Variants in ADGRG2 observed in about 807,000 individuals in gnomAD.
The protein encoded by ADGRG2 is adhesion G protein-coupled receptor G2.
In ADGRG2, 26 loss-of-function variants were observed where a neutral mutation model predicts 74.1. That is an observed-to-expected ratio of 0.35 (90% CI 0.26 to 0.49). ADGRG2 has a LOEUF of 0.49. ADGRG2 is among the 20% of genes least tolerant of loss of function. ADGRG2 has a pLI of 0.99. For synonymous variants in ADGRG2, 296 were observed against 295.2 expected (o/e 1.00, Z -0.03); for missense variants, 619 against 763.1 (o/e 0.81, Z 2.22).
chrX:19,119,675 C>T (rs1193797123), intron 1 of ADGRG2, among the ~76,000 whole-genome samples: 1 of 111,549 alleles, frequency 9.0e-6, no homozygotes, highest in Non-Finnish European at 1.9e-5. Context: ...TCATCTGAGC[C>T]GTCAAAGCAC....
intron 1 of ADGRG2, among the ~76,000 whole-genome samples, chrX:19,089,532 C>G: frequency 8.9e-6 from 1 of 111,817 alleles, no homozygotes; most frequent in Admixed American, 9.5e-5. Context: ...AAAATCCATG[C>G]AATGTGATTT....
intron 3 of ADGRG2, among the ~76,000 whole-genome samples, chrX:19,060,818 G>GT (rs2061478940): frequency 9.0e-6 from 1 of 111,425 alleles, no homozygotes; most frequent in Non-Finnish European, 1.9e-5. Context: ...AAAGTGCTGG[G>GT]TTTACAGGTG....
At chrX:19,018,483 G>C (rs1385489806) in intron 15 of ADGRG2, among the ~76,000 whole-genome samples, 1 of 110,194 alleles carries the variant, frequency 9.1e-6, no homozygotes, top group African/African-American at 3.3e-5. Context: ...CTCTGAGCCT[G>C]GTGACTGGGA....
chrX:19,109,998 A>G (rs999859243), intron 1 of ADGRG2, among the ~76,000 whole-genome samples: 3 of 112,138 alleles, frequency 2.7e-5, no homozygotes, highest in African/African-American at 9.7e-5. Context: ...AGCCCCAGAC[A>G]CAAGAATGTA....
At chrX:19,027,151 A>G in intron 11 of ADGRG2, 68 bp downstream of exon 11, 1 of 761,528 alleles carries the variant, frequency 1.3e-6, no homozygotes, top group Non-Finnish European at 2.1e-6. Context: ...TCAATTGCAA[A>G]CATGGCTCAA....
At chrX:19,075,856 T>C (rs1000948683) in intron 2 of ADGRG2, among the ~76,000 whole-genome samples, 1 of 111,438 alleles carries the variant, frequency 9.0e-6, no homozygotes, top group African/African-American at 3.3e-5. Flanking sequence ...TGTTGTTCCC[T>C]ACCTGCAAAT....
rs539533534 is a variant in ADGRG2 at position 19,094,321 on chromosome X, C to T, written c.-46-11575G>A. ...GCCCAGACTTCACCAATACACAATA[C>T]CTTCATGTAACAAAGCTGCAATTGT... On this transcript the variant is annotated intron_variant, in intron 1 of 28. Coordinates refer to ENST00000379869, the MANE Select transcript of ADGRG2 (RefSeq NM_001079858.3). Among the ~76,000 whole-genome samples the T allele has an allele frequency of 8.1e-5, 9 of 110,798 alleles. No individual in the cohort carries two copies. The Admixed American group carries it at 8.7e-4, about 11-fold the overall frequency.
rs374804160 is a variant in ADGRG2 at position 19,013,814 on chromosome X, G to A, written c.971C>T (p.Thr324Met). Residue 324 changes from threonine (T) to methionine (M), a missense_variant, in exon 16 of 29, where the codon ACG (threonine) becomes ATG (methionine). Physicochemically the swap from Thr to Met is moderately conservative, Grantham distance 81 (BLOSUM62 -1). Coordinates refer to ENST00000379869, the MANE Select transcript of ADGRG2 (RefSeq NM_001079858.3). Reference protein sequence around the residue: ...PAIDMPPQSETISSPMPQTHV... With the variant: ...PAIDMPPQSEMISSPMPQTHV... ...GGTTTGGGGCATAGGGGAAGAGATC[G>A]TTTCAGACTGTGGGGGCATGTCAAT... 177 of 1,200,059 alleles carry A rather than the reference G, an allele frequency of 1.5e-4. No homozygotes were observed. Among genetic ancestry groups the A allele is most frequent in the Non-Finnish European group, 1.8e-4 (160 of 890,366 alleles).
chrX:19,111,298 A>G (rs2062408095), intron 1 of ADGRG2, among the ~76,000 whole-genome samples: 1 of 111,195 alleles, frequency 9.0e-6, no homozygotes. Context: ...AAAGGTCACA[A>G]CTGGAGATAC....
intron 1 of ADGRG2, among the ~76,000 whole-genome samples, chrX:19,100,691 C>T (rs1386151861): frequency 8.8e-6 from 1 of 113,319 alleles, no homozygotes; most frequent in Admixed American, 9.3e-5. Flanking sequence ...ACTGTTGAGT[C>T]CCCAGTGCCT....
chrX:19,013,997 A>C lies in ADGRG2; in HGVS notation c.788T>G (p.Val263Gly). The stretch of plus-strand genomic sequence containing the variant: ...GGAAAGCACAGTGGCCCGAGGCACC[A>C]CTGGGATGGATTGGCTGGAAGAAAA... The part of the protein sequence containing the change: ...PPFSSSQSIP[V>G]VPRATVLSQV... The change falls in exon 16 of 29, where the codon GTG becomes GGG. Residue 263 changes from valine (V) to glycine (G), a missense_variant. Val to Gly is a moderately radical substitution (Grantham distance 109). Transcript: ENST00000379869. 1 of 1,209,437 alleles carries C rather than the reference A, an allele frequency of 8.3e-7. No individual in the cohort carries two copies. Among genetic ancestry groups the C allele is most frequent in the African/African-American group, 1.7e-5 (1 of 57,680 alleles).
At chrX:19,008,440 A>G (rs894362387) in intron 18 of ADGRG2, among the ~76,000 whole-genome samples, 10 of 111,081 alleles carry the variant, frequency 9.0e-5, no homozygotes, top group Admixed American at 7.7e-4. Context: ...CCGAGTCGGG[A>G]GGATCACCTG....
intron 28 of ADGRG2, among the ~76,000 whole-genome samples, chrX:18,993,453 C>T (rs1464724170): frequency 9.3e-6 from 1 of 107,582 alleles, no homozygotes; most frequent in East Asian, 2.9e-4. Context: ...GAGGCTGAGG[C>T]GGGAGGATCA....
chrX:19,027,258 T>C lies in ADGRG2; in HGVS notation c.431A>G (p.Asn144Ser). 1.8e-6 allele frequency: 2 copies of C among 1,133,636 alleles called. No individual in the cohort carries two copies. Among genetic ancestry groups the C allele is most frequent in the Non-Finnish European group, 2.4e-6 (2 of 824,228 alleles). The allele number at this position is 1,133,636 out of a possible 1,213,427, so 93.4% of individuals were successfully genotyped here. The change falls in exon 11 of 29, where the codon AAT (asparagine) becomes AGT (serine). Residue 144 changes from asparagine (N) to serine (S), a missense_variant. Transcript: ENST00000379869. The part of the protein sequence containing the change: ...STVPQNQHIT[N>S]GTLTGVLSLS... ...AGACAGGACTCCAGTTAAGGTGCCA[T>C]TCGTTATATGTTGATTCTGTTAGAA... is the stretch of plus-strand genomic sequence containing the variant.
At chrX:19,029,826 G>A (rs1221142793) in intron 9 of ADGRG2, among the ~76,000 whole-genome samples, 2 of 110,916 alleles carry the variant, frequency 1.8e-5, no homozygotes, top group Non-Finnish European at 3.8e-5. Flanking sequence ...GGGGAATTCG[G>A]TGAACGGAAG....
At position 18,999,267 on chromosome X, in the gene ADGRG2, G is replaced by A. The variant is rs771051892; in HGVS notation, c.2343C>T (p.Asn781=). Residue 781 remains asparagine (N), a synonymous_variant, in exon 26 of 29, where the codon AAC becomes AAT. Transcript: ENST00000379869. ...CCGTAATGTAGAATACTGCATTGTT[G>A]TTGATCCAGCAGCTGGAGTTTGTGG... ...NGSPDDFCWI[N]NNAVFYITVV... The A allele has an allele frequency of 1.7e-6, 2 of 1,190,958 alleles. No homozygotes were observed. Among genetic ancestry groups the A allele is most frequent in the South Asian group, 3.7e-5 (2 of 53,717 alleles).
At chrX:19,061,676 A>G (rs2061491471) in intron 3 of ADGRG2, among the ~76,000 whole-genome samples, 1 of 112,192 alleles carries the variant, frequency 8.9e-6, no homozygotes, top group South Asian at 3.7e-4. Flanking sequence ...GAGATCCTTA[A>G]GTCTGATGAT....
rs2060271648 is a variant in ADGRG2 at position 19,007,998 on chromosome X, T to C, written c.1548A>G (p.Glu516=). 1 of 1,205,201 alleles carries C rather than the reference T, an allele frequency of 8.3e-7. No individual in the cohort carries two copies. The highest frequency in any genetic ancestry group is 1.1e-6 in the Non-Finnish European group (1 of 891,667). ...GTTTTACCTGAAACAAAGCAGGTGT[T>C]TCAAAAAAATTGAACTGAACCCTGG... ...LASRVQFNFF[E]TPALFQDPSL... The change falls in exon 19 of 29, where the codon GAA becomes GAG. Residue 516 remains glutamate (E), a synonymous_variant. Transcript: ENST00000379869.
At chrX:19,033,776 C>T in intron 7 of ADGRG2, 122 bp from the exon 8 acceptor site, 2 of 393,201 alleles carry the variant, frequency 5.1e-6, no homozygotes, top group Non-Finnish European at 9.2e-6. Flanking sequence ...ACCTTTAAGA[C>T]ACTATCGGTC....
Sources: gnomAD v4.1 joint callset for allele counts (sites outside exome capture counted in the v4.1 genomes callset) on GRCh38, gnomAD v4.1.1 for gene constraint, MANE v1.5 for transcripts, NCBI Gene and HGNC (gene_info 2026-07-23, HGNC 2026-07-21) for gene names.